Variants in APOB observed in about 807,000 individuals in gnomAD.
The protein encoded by APOB is apolipoprotein B-100.
A neutral mutation model predicts 314.1 loss-of-function variants in APOB; 153 were observed. That is an observed-to-expected ratio of 0.49 (90% CI 0.43 to 0.56). The LOEUF is 0.56. Ranked by LOEUF, APOB falls within the 20% of genes least tolerant of loss-of-function variation. The pLI is 0.00. For synonymous variants in APOB, 2,087 were observed against 2,036.4 expected (o/e 1.02, Z -0.67); for missense variants, 5,430 against 5,350.7 (o/e 1.01, Z -0.46).
In APOB at chr2:21,009,585, T is replaced by C. The variant is rs1369533953; in HGVS notation, c.7283A>G (p.Lys2428Arg). The C allele has an allele frequency of 2.5e-6, 4 of 1,613,930 alleles. No individual in the cohort carries two copies. The highest frequency in any genetic ancestry group is 3.4e-6 in the Non-Finnish European group (4 of 1,179,948). ...TACAAACTGGTGGTAATCAAATGACTTTAATTTCTTTATCAACATGTCAAG... is the reference window on the plus strand; with the variant it reads ...TACAAACTGGTGGTAATCAAATGACCTTAATTTCTTTATCAACATGTCAAG... Reference protein sequence around the residue: ...KFLDMLIKKLKSFDYHQFVDE... With the variant: ...KFLDMLIKKLRSFDYHQFVDE... Residue 2428 changes from lysine to arginine, a missense_variant, in exon 26 of 29, where the codon AAG (lysine) becomes AGG (arginine). Around this residue, in one of 3 missense-constraint regions of APOB, gnomAD observed 3,281 missense variants for 3,171.0 expected, o/e 1.03. Transcript: ENST00000233242.
intron 28 of APOB, 79 bp downstream of exon 28, chr2:21,004,190 A>T (rs1558559848): frequency 6.7e-7 from 1 of 1,494,866 alleles, no homozygotes; most frequent in African/African-American, 1.4e-5. Flanking sequence ...ATCTCTGAAT[A>T]TTTGGTCCTG....
rs771285740 is a variant in APOB at position 21,037,258 on chromosome 2, A to G, written c.538-3T>C. On this transcript the variant is annotated splice_region_variant and splice_polypyrimidine_tract_variant and intron_variant, in intron 5 of 28. Coordinates refer to ENST00000233242, the MANE Select transcript of APOB (RefSeq NM_000384.3). ...GAGCAGTTTCCATACACGGTATCCT[A>G]TGGAGGAAGAAGATGCAACCACATG... The G allele has an allele frequency of 6.2e-6, 10 of 1,612,122 alleles. No homozygotes were observed. The Admixed American group carries it at 1.3e-4, about 22-fold the overall frequency.
chr2:21,037,018 G>T (rs1664017980), intron 6 of APOB, 82 bp downstream of exon 6: 2 of 1,560,384 alleles, frequency 1.3e-6, no homozygotes, highest in Non-Finnish European at 1.8e-6. Context: ...CCTCAAAGGT[G>T]CCCACTAGCT....
Position 21,004,349 on chromosome 2 carries a change from A to T in APOB, c.12007T>A (p.Ser4003Thr). ...DKKGISTSAA[S>T]PAVGTVGMDM... is the part of the protein sequence containing the mutation. ...ATGCCCACGGTGCCTACGGCTGGGG[A>T]GGCTGCTGAGGTGGAGATGCCTTTC... Residue 4003 changes from serine to threonine, a missense_variant, in exon 28 of 29, where the codon TCC (serine) becomes ACC (threonine). Physicochemically the swap from Ser to Thr is moderately conservative, Grantham distance 58 (BLOSUM62 1). Transcript: ENST00000233242. 1 of 1,612,294 alleles carries T rather than the reference A, an allele frequency of 6.2e-7. No individual in the cohort carries two copies. The highest frequency in any genetic ancestry group is 1.3e-5 in the African/African-American group (1 of 74,982).
Position 21,002,588 on chromosome 2 carries a change from T to C in APOB, c.12834A>G (p.Lys4278=). 6.2e-7 allele frequency: 1 copy of C among 1,614,118 alleles called. No homozygotes were observed. The highest frequency in any genetic ancestry group is 1.7e-4 in the Middle Eastern group (1 of 6,060). ...MYRELLKDLS[K]EAQEVFKAIQ... ...TGGCTTTAAATACCTCTTGGGCTTC[T>C]TTTGATAAATCTTTCAACAGTTCCC... Residue 4278 remains lysine (K), a synonymous_variant, in exon 29 of 29, where the codon AAA becomes AAG. Coordinates refer to ENST00000233242, the MANE Select transcript of APOB (RefSeq NM_000384.3).
chr2:21,026,239 C>T lies in APOB; in HGVS notation c.2244+549G>A, dbSNP rs753640452. ...CAGGGAAGTTAGAATTAAATCTATG[C>T]CCAGAGTTCATACTTTTTTTTTTTT... On this transcript the variant is annotated intron_variant, in intron 15 of 28. Coordinates refer to ENST00000233242, the MANE Select transcript of APOB (RefSeq NM_000384.3). 3.9e-5 allele frequency among the ~76,000 whole-genome samples: 6 copies of T among 151,916 alleles called. No individual in the cohort carries two copies. In the East Asian group the frequency reaches 1.2e-3, roughly 29 times the overall value.
intron 17 of APOB, 38 bp downstream of exon 17, chr2:21,023,487 T>C (rs983368127): frequency 6.2e-7 from 1 of 1,610,978 alleles, no homozygotes; most frequent in African/African-American, 1.3e-5. Context: ...TGGAAGAAAG[T>C]AATAACCTAA....
At position 21,020,463 on chromosome 2, in the gene APOB, C is replaced by T. The variant is rs554444444; in HGVS notation, c.2817-558G>A. Among the ~76,000 whole-genome samples, 26 of 152,340 alleles carry T rather than the reference C, an allele frequency of 1.7e-4. 1 individual carries two copies. The highest frequency in any genetic ancestry group is 5.8e-4 in the African/African-American group (24 of 41,576). ...TGTGCTCTGACTGCTCACTCCATCTCCTGAAAATGCTTTCATCAATGTCTC... is the reference window on the plus strand; with the variant it reads ...TGTGCTCTGACTGCTCACTCCATCTTCTGAAAATGCTTTCATCAATGTCTC... On this transcript the variant is annotated intron_variant, in intron 18 of 28. Transcript: ENST00000233242.
At chr2:21,004,982 T>A in intron 26 of APOB, 98 bp downstream of exon 26, 2 of 1,509,632 alleles carry the variant, frequency 1.3e-6, no homozygotes, top group South Asian at 2.3e-5. Flanking sequence ...TGACATTGAG[T>A]AATTGTACAT....
Position 21,008,407 on chromosome 2 carries a change from G to A in APOB, c.8461C>T (p.Pro2821Ser). The change falls in exon 26 of 29, where the codon CCG (proline) becomes TCG (serine). Residue 2821 changes from proline to serine, a missense_variant. Coordinates refer to ENST00000233242, the MANE Select transcript of APOB (RefSeq NM_000384.3). ...TTCACTGACTCCTTCAGAGCCAGCG[G>A]ATTAATCTTAGGGTTTGAGAGTTGT... is the stretch of plus-strand genomic sequence containing the variant. ...NAQLSNPKIN[P>S]LALKESVKFS... 6.2e-7 allele frequency: 1 copy of A among 1,614,048 alleles called. No homozygotes were observed. Among genetic ancestry groups the A allele is most frequent in the Non-Finnish European group, 8.5e-7 (1 of 1,179,970 alleles).
At position 21,009,817 on chromosome 2, in the gene APOB, C is replaced by A; in HGVS notation, c.7051G>T (p.Asp2351Tyr). Residue 2351 changes from aspartate to tyrosine, a missense_variant, in exon 26 of 29, where the codon GAC becomes TAC. Asp to Tyr is a radical substitution (Grantham distance 160). Transcript: ENST00000233242. ...TCCATTAAAACCTGGATTTGTTGGT[C>A]TACTTCATACCTCTCGATTAACTCA... ...VHELIERYEV[D>Y]QQIQVLMDKL... 1.9e-6 allele frequency: 3 copies of A among 1,614,026 alleles called. No individual in the cohort carries two copies. Among genetic ancestry groups the A allele is most frequent in the Non-Finnish European group, 2.5e-6 (3 of 1,179,976 alleles).
chr2:21,017,240 G>T lies in APOB; in HGVS notation c.3122-591C>A, dbSNP rs185833931. Among the ~76,000 whole-genome samples the T allele has an allele frequency of 3.9e-5, 6 of 151,912 alleles. No homozygotes were observed. In the East Asian group the frequency reaches 9.7e-4, roughly 25 times the overall value. ...CAAGTCTTTATGGATTGCCTGTTATGAGCCTATTGTGTGCTGGGCACTGCT... is the reference window on the plus strand; with the variant it reads ...CAAGTCTTTATGGATTGCCTGTTATTAGCCTATTGTGTGCTGGGCACTGCT... On this transcript the variant is annotated intron_variant, in intron 20 of 28. Coordinates refer to ENST00000233242, the MANE Select transcript of APOB (RefSeq NM_000384.3).
chr2:21,033,315 G>C lies in APOB; in HGVS notation c.1108C>G (p.Leu370Val). 1.2e-6 allele frequency: 2 copies of C among 1,613,812 alleles called. No homozygotes were observed. The highest frequency in any genetic ancestry group is 1.7e-6 in the Non-Finnish European group (2 of 1,179,678). Residue 370 changes from leucine to valine, a missense_variant, in exon 9 of 29, where the codon CTG becomes GTG. This residue lies in a region of APOB where 2,085 missense variants were observed against 2,079.7 expected (regional missense o/e 1.00). Transcript: ENST00000233242. ...ATTAGATACCTGGACACCTCAATCA[G>C]CTGTGGCAAGAGAGATGTGACTGCT... ...DEAVTSLLPQ[L>V]IEVSSPITLQ...
chr2:21,042,275 G>T, intron 3 of APOB, 86 bp downstream of exon 3: 2 of 962,782 alleles, frequency 2.1e-6, no homozygotes, highest in South Asian at 1.3e-5. Context: ...CACACCCTCC[G>T]GGAAGGTCGC....
rs760517113 is a variant in APOB, at chr2:21,008,474, C to A, written c.8394G>T (p.Glu2798Asp). 10 of 1,613,954 alleles carry A rather than the reference C, an allele frequency of 6.2e-6. No individual in the cohort carries two copies. The highest frequency in any genetic ancestry group is 1.3e-5 in the African/African-American group (1 of 74,894). The change falls in exon 26 of 29, where the codon GAG (glutamate) becomes GAT (aspartate). Residue 2798 changes from glutamate (E) to aspartate (D), a missense_variant. Around this residue, in one of 3 missense-constraint regions of APOB, gnomAD observed 3,281 missense variants for 3,171.0 expected, o/e 1.03. Transcript: ENST00000233242. ...CAAAATTGAGAACTTCTAATTTGGA[C>A]TCTCCTTTGGCAGTGATGGAAGCTG... Reference protein sequence around the residue: ...GIAASITAKGESKLEVLNFDF... With the variant: ...GIAASITAKGDSKLEVLNFDF...
At chr2:21,041,972 G>T (rs931141943) in intron 3 of APOB, among the ~76,000 whole-genome samples, 2 of 152,100 alleles carry the variant, frequency 1.3e-5, no homozygotes, top group Admixed American at 6.5e-5. Flanking sequence ...AACAGATTCT[G>T]TTTGACTTAA....
intron 20 of APOB, 63 bp downstream of exon 20, chr2:21,018,926 TCTC>T (rs1255238433): frequency 1.1e-5 from 18 of 1,610,808 alleles, no homozygotes; most frequent in South Asian, 3.3e-5. Flanking sequence ...TTACATGTCT[TCTC>T]CTCATGAATT....
Position 21,009,160 on chromosome 2 carries a change from T to A in APOB, c.7708A>T (p.Ile2570Phe). ...NLTDFAEQYS[I>F]QDWAKRMKAL... Reference sequence around the variant, plus strand: ...TTCATACGTTTAGCCCAATCTTGGATAGAATATTGCTCTGCAAAGTCAGTA... The same window carrying A: ...TTCATACGTTTAGCCCAATCTTGGAAAGAATATTGCTCTGCAAAGTCAGTA... Residue 2570 changes from isoleucine to phenylalanine, a missense_variant, in exon 26 of 29, where the codon ATC (isoleucine) becomes TTC (phenylalanine). Around this residue, in one of 3 missense-constraint regions of APOB, gnomAD observed 3,281 missense variants for 3,171.0 expected, o/e 1.03. Coordinates refer to ENST00000233242, the MANE Select transcript of APOB (RefSeq NM_000384.3). 6.2e-7 allele frequency: 1 copy of A among 1,614,088 alleles called. No homozygotes were observed. Among genetic ancestry groups the A allele is most frequent in the South Asian group, 1.1e-5 (1 of 91,082 alleles).
At chr2:21,027,097 T>C in intron 14 of APOB, 133 bp from the exon 15 acceptor site, 2 of 807,854 alleles carry the variant, frequency 2.5e-6, no homozygotes, top group Non-Finnish European at 4.2e-6. Context: ...GACCTTAGCA[T>C]TTCACAGGAG....
Sources: gnomAD v4.1 joint callset for allele counts (sites outside exome capture counted in the v4.1 genomes callset) on GRCh38, gnomAD v4.1.1 for gene constraint, gnomAD v4.1.1 regional missense constraint, MANE v1.5 for transcripts, NCBI Gene and HGNC (gene_info 2026-07-23, HGNC 2026-07-21) for gene names.